The following L3MBTL3 variants were observed in gnomAD, a reference collection of about 807,000 sequenced individuals.
L3MBTL3 encodes lethal(3)malignant brain tumor-like protein 3.
L3MBTL3 carries 27 observed loss-of-function variants against 102.3 expected under a neutral mutation model. The observed-to-expected ratio is 0.26, with a 90% CI of 0.19 to 0.36. The LOEUF is 0.36. Among genes scored for constraint, L3MBTL3 ranks in the 10% least tolerant of loss-of-function variants. L3MBTL3 has a pLI of 1.00. For missense variants in L3MBTL3, 798 were observed against 955.3 expected (o/e 0.84, Z 2.17); for synonymous variants, 340 against 320.9 (o/e 1.06, Z -0.64).
intron 4 of L3MBTL3, 43 bp from the exon 5 acceptor site, chr6:130,049,713 A>G: frequency 6.2e-7 from 1 of 1,612,858 alleles, no homozygotes. Context: ...GATGGTTGTA[A>G]CTAACACCTA....
At chr6:130,093,746 G>A (rs932082692) in intron 17 of L3MBTL3, among the ~76,000 whole-genome samples, 11 of 152,126 alleles carry the variant, frequency 7.2e-5, no homozygotes, top group Admixed American at 2.0e-4. Flanking sequence ...AAACAAAACC[G>A]AATGTGCCTG....
chr6:130,062,555 ATT>A (rs1175015608), intron 10 of L3MBTL3, among the ~76,000 whole-genome samples: 16 of 124,194 alleles, frequency 1.3e-4, no homozygotes, highest in African/African-American at 1.8e-4. Context: ...GCCCAGCTAA[ATT>A]TTTTTTTTTT....
chr6:130,112,257 G>A (rs566400877), intron 19 of L3MBTL3, among the ~76,000 whole-genome samples: 3 of 152,248 alleles, frequency 2.0e-5, no homozygotes, highest in East Asian at 1.9e-4. Flanking sequence ...CTTACTCTCC[G>A]AGTTGCCCTA....
At chr6:130,117,762 C>T (rs934418375) in intron 19 of L3MBTL3, among the ~76,000 whole-genome samples, 3 of 151,686 alleles carry the variant, frequency 2.0e-5, no homozygotes, top group Non-Finnish European at 2.9e-5. Context: ...TGCAGTGGTG[C>T]AATCATGGCT....
intron 10 of L3MBTL3, among the ~76,000 whole-genome samples, chr6:130,060,462 T>TG (rs1320076173): frequency 3.1e-4 from 47 of 152,058 alleles, no homozygotes; most frequent in Admixed American, 3.1e-3. Flanking sequence ...AACAGATACT[T>TG]GTGTGTGTTG....
At chr6:130,137,017 A>C (rs577719691) in intron 22 of L3MBTL3, among the ~76,000 whole-genome samples, 91 of 151,194 alleles carry the variant, frequency 6.0e-4, no homozygotes, top group African/African-American at 2.0e-3. Context: ...TTCCACAAAA[A>C]GTTTTTTGCT....
intron 18 of L3MBTL3, among the ~76,000 whole-genome samples, chr6:130,096,969 G>T (rs1784396638): frequency 6.6e-6 from 1 of 152,150 alleles, no homozygotes; most frequent in Non-Finnish European, 1.5e-5. Flanking sequence ...AGCAGATTTT[G>T]TGCCTTGGGC....
At chr6:130,079,212 T>C (rs1201593117) in intron 14 of L3MBTL3, among the ~76,000 whole-genome samples, 3 of 152,130 alleles carry the variant, frequency 2.0e-5, no homozygotes, top group Admixed American at 6.6e-5. Context: ...TTTTTTTACT[T>C]AGTTTAGAAC....
chr6:130,019,109 TCAGGCTGGCGCG>T (rs1778750193), intron 1 of L3MBTL3, among the ~76,000 whole-genome samples: 1 of 151,176 alleles, frequency 6.6e-6, no homozygotes. Context: ...CGCGTTGGGC[TCAGGCTGGCGCG>T]CAGGCGGCGG....
rs531176931 is a variant in L3MBTL3, at chr6:130,128,723, G to T, written c.1967-4729G>T. Among the ~76,000 whole-genome samples the T allele has an allele frequency of 2.6e-5, 4 of 152,298 alleles. No homozygotes were observed. The South Asian group carries it at 8.3e-4, about 32-fold the overall frequency. Reference sequence around the variant, plus strand: ...TTCTTAAGATGAACTTCTAAACTTGGAATTGTGGAGTCAGTGGATGATAAC... The same window carrying T: ...TTCTTAAGATGAACTTCTAAACTTGTAATTGTGGAGTCAGTGGATGATAAC... On this transcript the variant is annotated intron_variant, in intron 20 of 22. Transcript: ENST00000361794.
At chr6:130,094,123 A>C (rs759083427) in intron 17 of L3MBTL3, 142 bp from the exon 18 acceptor site, 1 of 510,662 alleles carries the variant, frequency 2.0e-6, no homozygotes, top group East Asian at 3.0e-5. Context: ...TATAGGATCT[A>C]CTTTTTCTGT....
At chr6:130,040,041 T>C (rs1355049199) in intron 2 of L3MBTL3, among the ~76,000 whole-genome samples, 1 of 152,114 alleles carries the variant, frequency 6.6e-6, no homozygotes, top group Non-Finnish European at 1.5e-5. Context: ...TTAAAATCTG[T>C]TGGGGCTAGG....
At chr6:130,036,658 G>A (rs1355614858) in intron 2 of L3MBTL3, among the ~76,000 whole-genome samples, 2 of 152,070 alleles carry the variant, frequency 1.3e-5, no homozygotes, top group Non-Finnish European at 2.9e-5. Flanking sequence ...ATGGTTTTTA[G>A]GTAGGAAAAG....
chr6:130,119,200 G>GC (rs1785950425), intron 19 of L3MBTL3, among the ~76,000 whole-genome samples: 1 of 151,888 alleles, frequency 6.6e-6, no homozygotes, highest in African/African-American at 2.4e-5. Flanking sequence ...AGAGCTTCTA[G>GC]AAAAGCCACA....
At chr6:130,090,326 T>C (rs1376255290) in intron 16 of L3MBTL3, among the ~76,000 whole-genome samples, 3 of 152,080 alleles carry the variant, frequency 2.0e-5, no homozygotes, top group Non-Finnish European at 4.4e-5. Context: ...AAACAATGAG[T>C]TATTGAGATT....
intron 18 of L3MBTL3, among the ~76,000 whole-genome samples, chr6:130,098,577 G>A (rs758504007): frequency 5.9e-5 from 9 of 151,980 alleles, no homozygotes; most frequent in South Asian, 2.1e-4. Context: ...AATAATAATC[G>A]GTGGGATTTA....
intron 10 of L3MBTL3, 51 bp downstream of exon 10, chr6:130,060,191 A>T (rs371029334): frequency 1.1e-5 from 13 of 1,143,222 alleles, no homozygotes; most frequent in Admixed American, 2.3e-5. Context: ...GATTATGGGG[A>T]TTTAAAATGA....
At chr6:130,085,297 T>G (rs1382701387) in intron 15 of L3MBTL3, among the ~76,000 whole-genome samples, 1 of 152,154 alleles carries the variant, frequency 6.6e-6, no homozygotes, top group Non-Finnish European at 1.5e-5. Flanking sequence ...AGCTGTTGAT[T>G]CCCCCAACCC....
At chr6:130,135,491 A>G (rs923489543) in intron 22 of L3MBTL3, among the ~76,000 whole-genome samples, 2 of 152,226 alleles carry the variant, frequency 1.3e-5, no homozygotes, top group African/African-American at 4.8e-5. Context: ...TTTATAATGC[A>G]TCTCTTTTAT....
Sources: gnomAD v4.1 joint callset for allele counts (sites outside exome capture counted in the v4.1 genomes callset) on GRCh38, gnomAD v4.1.1 for gene constraint, MANE v1.5 for transcripts, NCBI Gene and HGNC (gene_info 2026-07-23, HGNC 2026-07-21) for gene names.